The following LRP2 variants were observed in gnomAD, a reference collection of about 807,000 sequenced individuals.
The protein encoded by LRP2 is low-density lipoprotein receptor-related protein 2.
A neutral mutation model predicts 531.0 loss-of-function variants in LRP2; 172 were observed. The observed-to-expected ratio is 0.32, with a 90% CI of 0.29 to 0.37. The LOEUF (loss-of-function observed/expected upper bound fraction) is 0.37, where lower values mean the gene tolerates loss of function less well. Ranked by LOEUF, LRP2 falls within the 10% of genes least tolerant of loss-of-function variation. The probability of loss-of-function intolerance (pLI) is 1.00; values close to 1 mark genes in which losing one functional copy is unlikely to be tolerated. For synonymous variants in LRP2, 1,992 were observed against 2,027.6 expected (o/e 0.98, Z 0.47); for missense variants, 5,167 against 5,868.3 (o/e 0.88, Z 3.90).
At chr2:169,312,327 G>T (rs1684635657) in intron 3 of LRP2, among the ~76,000 whole-genome samples, 1 of 152,250 alleles carries the variant, frequency 6.6e-6, no homozygotes, top group Non-Finnish European at 1.5e-5. Context: ...GCATGTTTTT[G>T]CAGTGGCTGG....
At chr2:169,219,503 C>G (rs913113997) in intron 34 of LRP2, among the ~76,000 whole-genome samples, 13 of 152,192 alleles carry the variant, frequency 8.5e-5, no homozygotes, top group African/African-American at 3.1e-4. Context: ...TGGCCCTGGC[C>G]TCTCTCCACA....
chr2:169,201,826 G>A lies in LRP2; in HGVS notation c.8254C>T (p.Arg2752Ter). 2 of 1,614,138 alleles carry A rather than the reference G, an allele frequency of 1.2e-6. No homozygotes were observed. Among genetic ancestry groups the A allele is most frequent in the Non-Finnish European group, 1.7e-6 (2 of 1,180,020 alleles). The part of the protein sequence containing the change: ...SPTAFTCANG[R>*]CVQYSYRCDY... ...CAGCGGTAAGAGTATTGGACACATC[G>A]CCCATTGGCACAGGTGAAGGCTGTC... is the stretch of plus-strand genomic sequence containing the variant. The change falls in exon 44 of 79, where the codon CGA becomes TGA. Residue 2752 changes from arginine (R) to a stop codon, truncating the protein, a stop_gained. Transcript: ENST00000649046. LOFTEE classifies it high-confidence loss of function.
chr2:169,332,137 A>G (rs1444981486), intron 1 of LRP2, among the ~76,000 whole-genome samples: 1 of 152,258 alleles, frequency 6.6e-6, no homozygotes, highest in Admixed American at 6.5e-5. Flanking sequence ...CAGGTTATCA[A>G]GTGAACAATA....
chr2:169,232,519 C>G (rs1321121193), intron 30 of LRP2, among the ~76,000 whole-genome samples: 1 of 151,932 alleles, frequency 6.6e-6, no homozygotes, highest in South Asian at 2.1e-4. Flanking sequence ...AGTATATATT[C>G]GAGCAAAAAG....
intron 7 of LRP2, 67 bp downstream of exon 7, chr2:169,292,186 G>GA: frequency 8.0e-7 from 1 of 1,244,966 alleles, no homozygotes; most frequent in Non-Finnish European, 1.2e-6. Flanking sequence ...AAGGAAAGGA[G>GA]AAAAAACAAG....
chr2:169,218,223 C>G (rs1381941633), intron 34 of LRP2, among the ~76,000 whole-genome samples: 1 of 152,136 alleles, frequency 6.6e-6, no homozygotes, highest in Non-Finnish European at 1.5e-5. Context: ...CTAATTGTCT[C>G]CCAACCCAAC....
At chr2:169,329,354 C>A (rs894637910) in intron 1 of LRP2, among the ~76,000 whole-genome samples, 1 of 152,034 alleles carries the variant, frequency 6.6e-6, no homozygotes, top group Non-Finnish European at 1.5e-5. Flanking sequence ...ACCAGCCTGG[C>A]CAACATGGTG....
Position 169,263,043 on chromosome 2 carries a change from T to C in LRP2, c.2321-3826A>G, listed in dbSNP as rs903086176. Reference sequence around the variant, plus strand: ...GTGCTGGGAAAACTGGCTAGCCATATGTAGAAAGCTGAAACTGGATCCCTT... The same window carrying C: ...GTGCTGGGAAAACTGGCTAGCCATACGTAGAAAGCTGAAACTGGATCCCTT... On this transcript the variant is annotated intron_variant, in intron 16 of 78. Coordinates refer to ENST00000649046, the MANE Select transcript of LRP2 (RefSeq NM_004525.3). Among the ~76,000 whole-genome samples the C allele has an allele frequency of 2.6e-5, 4 of 152,330 alleles. No homozygotes were observed. In the South Asian group the frequency reaches 8.3e-4, roughly 32 times the overall value.
At chr2:169,129,138 T>C (rs984330570) in intron 77 of LRP2, 54 bp from the exon 78 acceptor site, 24 of 1,243,294 alleles carry the variant, frequency 1.9e-5, no homozygotes, top group Non-Finnish European at 4.7e-6. Flanking sequence ...ATTTTGTGGG[T>C]TTCTTTTCCT....
rs1690025799 is a variant in LRP2, at chr2:169,246,843, T to C, written c.3052A>G (p.Thr1018Ala). 2 of 1,614,188 alleles carry C rather than the reference T, an allele frequency of 1.2e-6. No homozygotes were observed. Residue 1018 changes from threonine (T) to alanine (A), a missense_variant, in exon 21 of 79, where the codon ACC (threonine) becomes GCC (alanine). By Grantham distance (58) the Thr-to-Ala change is moderately conservative. Coordinates refer to ENST00000649046, the MANE Select transcript of LRP2 (RefSeq NM_004525.3). ...SNHLTCEGDP[T>A]NEPPTEQCGL... ...CACTGCTCTGTGGGTGGTTCATTGG[T>C]TGGGTCCCCCTCGCATGTCAAGTGA...
rs1394087115 is a variant in LRP2, at chr2:169,358,964, A to G, written c.79+3357T>C. Reference sequence around the variant, plus strand: ...CTAGGGTCTGAGAAGTCTTCAGAGAACTGTTAGTGAAAAATGCTTAAAGAA... The same window carrying G: ...CTAGGGTCTGAGAAGTCTTCAGAGAGCTGTTAGTGAAAAATGCTTAAAGAA... On this transcript the variant is annotated intron_variant, in intron 1 of 78. Coordinates refer to ENST00000649046, the MANE Select transcript of LRP2 (RefSeq NM_004525.3). Among the ~76,000 whole-genome samples, 3 of 151,826 alleles carry G rather than the reference A, an allele frequency of 2.0e-5. No individual in the cohort carries two copies. The East Asian group carries it at 5.8e-4, about 29-fold the overall frequency.
rs778793020 is a variant in LRP2 at position 169,162,573 on chromosome 2, G to A, written c.11786C>T (p.Thr3929Ile). Reference protein sequence around the residue: ...HCRKPTPKPCTEYEYKCGNGH... With the variant: ...HCRKPTPKPCIEYEYKCGNGH... Reference sequence around the variant, plus strand: ...ATTGCCACACTTATATTCATATTCTGTACAAGGTTTAGGGGTCGGTTTTCT... The same window carrying A: ...ATTGCCACACTTATATTCATATTCTATACAAGGTTTAGGGGTCGGTTTTCT... Residue 3929 changes from threonine (T) to isoleucine (I), a missense_variant, in exon 63 of 79, where the codon ACA (threonine) becomes ATA (isoleucine). Around this residue, in one of 6 missense-constraint regions of LRP2, gnomAD observed 564 missense variants for 747.7 expected, o/e 0.75. Transcript: ENST00000649046. The A allele has an allele frequency of 2.5e-6, 4 of 1,614,108 alleles. No individual in the cohort carries two copies. In the African/African-American group the frequency reaches 5.3e-5, roughly 22 times the overall value.
chr2:169,210,761 A>T (rs1688563790), intron 37 of LRP2, among the ~76,000 whole-genome samples: 1 of 152,220 alleles, frequency 6.6e-6, no homozygotes, highest in African/African-American at 2.4e-5. Flanking sequence ...CCAACTGGAG[A>T]AATATGATTA....
chr2:169,345,660 A>T (rs1161726355), intron 1 of LRP2, among the ~76,000 whole-genome samples: 1 of 152,090 alleles, frequency 6.6e-6, no homozygotes, highest in Non-Finnish European at 1.5e-5. Context: ...TTTTAAAATT[A>T]AAGCACTTCA....
intron 32 of LRP2, 140 bp downstream of exon 32, chr2:169,226,282 A>G (rs541770497): frequency 4.3e-6 from 3 of 691,440 alleles, no homozygotes; most frequent in Non-Finnish European, 7.4e-6. Flanking sequence ...CCCTCATTGA[A>G]TCAAAAAACT....
intron 50 of LRP2, 74 bp from the exon 51 acceptor site, chr2:169,182,393 T>C: frequency 6.3e-7 from 1 of 1,599,218 alleles, no homozygotes; most frequent in Non-Finnish European, 8.5e-7. Flanking sequence ...CCCAGTTTCC[T>C]ACCCAAGCTA....
In LRP2 at chr2:169,202,856, A is replaced by G. The variant is rs1688247590; in HGVS notation, c.8109T>C (p.Ser2703=). The G allele has an allele frequency of 6.2e-7, 1 of 1,614,088 alleles. No individual in the cohort carries two copies. The highest frequency in any genetic ancestry group is 1.3e-5 in the African/African-American group (1 of 74,928). Residue 2703 remains serine, a synonymous_variant, in exon 43 of 79, where the codon TCT becomes TCC. Transcript: ENST00000649046. The stretch of plus-strand genomic sequence containing the variant: ...AGCGCCCATTGGAGCAGGTGAAGGA[A>G]GATGCACCACATCGTTCACCATTGT... ...IVDNGERCGA[S]SFTCSNGRCI...
intron 33 of LRP2, among the ~76,000 whole-genome samples, chr2:169,221,646 T>A (rs1689004452): frequency 6.6e-6 from 1 of 152,238 alleles, no homozygotes; most frequent in Admixed American, 6.5e-5. Flanking sequence ...TTTCTCTGTC[T>A]CTCATACATG....
chr2:169,209,724 A>C, intron 37 of LRP2, 83 bp from the exon 38 acceptor site: 9 of 1,302,508 alleles, frequency 6.9e-6, no homozygotes, highest in Non-Finnish European at 7.6e-6. Flanking sequence ...TCAAACCCTC[A>C]TTCCCAACCC....
Sources: allele counts gnomAD v4.1 joint callset (sites outside exome capture counted in the v4.1 genomes callset), GRCh38; gene constraint gnomAD v4.1.1; regional missense constraint gnomAD v4.1.1; transcripts MANE v1.5; gene names NCBI Gene and HGNC (gene_info 2026-07-23, HGNC 2026-07-21).